VWDE: variants seen among roughly 807,000 people sequenced by gnomAD.
VWDE encodes von Willebrand factor D and EGF domain-containing protein.
VWDE carries 207 observed loss-of-function variants against 178.4 expected under a neutral mutation model. The observed-to-expected ratio is 1.16, with a 90% CI of 1.04 to 1.30. The LOEUF (loss-of-function observed/expected upper bound fraction) is 1.30. Ranked by LOEUF, VWDE falls within the 50% of genes most tolerant of loss-of-function variation. The pLI is 0.00. For synonymous variants in VWDE, 738 were observed against 651.4 expected, an observed-to-expected ratio of 1.13 and a Z score of -2.02; for missense variants, 2,287 against 1,901.3, an observed-to-expected ratio of 1.20 and a Z score of -3.77.
At chr7:12,378,108 A>T (rs75155111) in intron 6 of VWDE, among the ~76,000 whole-genome samples, 188 bp from the exon 7 acceptor site, 1 of 152,214 alleles carries the variant, frequency 6.6e-6, no homozygotes, top group Non-Finnish European at 1.5e-5. Context: ...ACAGGAGTAC[A>T]TGGAGCTGCT....
chr7:12,371,090 A>T (rs1389459595), intron 10 of VWDE, among the ~76,000 whole-genome samples: 1 of 152,086 alleles, frequency 6.6e-6, no homozygotes, highest in Non-Finnish European at 1.5e-5. Flanking sequence ...TGATCTTTTT[A>T]TTGAAATATA....
chr7:12,363,294 G>A (rs993058580), intron 13 of VWDE, among the ~76,000 whole-genome samples: 4 of 152,032 alleles, frequency 2.6e-5, no homozygotes, highest in Non-Finnish European at 4.4e-5. Context: ...TCACATGAAT[G>A]GAGGGAATAG....
At chr7:12,336,456 C>A (rs552369942) in intron 26 of VWDE, among the ~76,000 whole-genome samples, 3 of 152,102 alleles carry the variant, frequency 2.0e-5, no homozygotes, top group Admixed American at 1.3e-4. Context: ...TGTTTGAATG[C>A]GTCGTGATTT....
chr7:12,336,864 A>G, intron 26 of VWDE, 124 bp downstream of exon 26: 1 of 880,588 alleles, frequency 1.1e-6, no homozygotes, highest in East Asian at 2.7e-5. Context: ...TAAAGCAAGA[A>G]TAAATATGCA....
intron 19 of VWDE, among the ~76,000 whole-genome samples, chr7:12,346,909 A>T (rs574141447): frequency 6.6e-6 from 1 of 152,284 alleles, no homozygotes; most frequent in Non-Finnish European, 1.5e-5. Flanking sequence ...AAAAGACAGA[A>T]GAAAATGAAC....
In VWDE at chr7:12,331,058, T is replaced by G. The variant is rs888482826; in HGVS notation, c.*125A>C. On this transcript the variant is annotated 3_prime_UTR_variant, in exon 29 of 29. Transcript: ENST00000275358. ...AGAGATCATTATGTATTTTATTAGTTTCTTCAGTCTTTAAGATATTTTTTG... is the reference window on the plus strand; with the variant it reads ...AGAGATCATTATGTATTTTATTAGTGTCTTCAGTCTTTAAGATATTTTTTG... 6 of 679,996 alleles carry G rather than the reference T, an allele frequency of 8.8e-6. No homozygotes were observed. The highest frequency in any genetic ancestry group is 1.2e-5 in the Non-Finnish European group (5 of 416,336). 42.1% of individuals were successfully genotyped at this position (679,996 alleles called of 1,614,324 possible). A position where few individuals can be genotyped will look rare whatever the true frequency, so the allele number is the denominator to read the frequency against.
At chr7:12,348,055 C>A (rs1781710748) in intron 19 of VWDE, among the ~76,000 whole-genome samples, 1 of 152,150 alleles carries the variant, frequency 6.6e-6, no homozygotes, top group African/African-American at 2.4e-5. Flanking sequence ...CTTCCTTACA[C>A]CTTATACAAA....
chr7:12,342,206 T>C (rs1043919870), intron 22 of VWDE, 52 bp from the exon 23 acceptor site: 30 of 1,441,834 alleles, frequency 2.1e-5, no homozygotes, highest in Admixed American at 5.9e-5. Context: ...AGTAGTCATA[T>C]TGTTGGTTAT....
At chr7:12,395,976 C>G (rs943675184) in intron 1 of VWDE, among the ~76,000 whole-genome samples, 7 of 151,148 alleles carry the variant, frequency 4.6e-5, no homozygotes, top group Non-Finnish European at 8.8e-5. Flanking sequence ...TATAACTTTT[C>G]CCCTCAAAAA....
At chr7:12,374,817 T>A (rs950750045) in intron 8 of VWDE, 55 bp from the exon 9 acceptor site, 1 of 1,223,952 alleles carries the variant, frequency 8.2e-7, no homozygotes, top group Non-Finnish European at 1.1e-6. Flanking sequence ...TTTAGTGATA[T>A]ATAAAAAATT....
Position 12,377,756 on chromosome 7 carries a change from A to C in VWDE, c.1024+20T>G. 7.2e-7 allele frequency: 1 copy of C among 1,386,108 alleles called. No individual in the cohort carries two copies. The highest frequency in any genetic ancestry group is 2.6e-5 in the East Asian group (1 of 38,026). The allele number at this position is 1,386,108 out of a possible 1,614,324, so 85.9% of individuals were successfully genotyped here. On this transcript the variant is annotated intron_variant, in intron 7 of 28. Transcript: ENST00000275358. ...TTGTTTGCAATCTAATAATAAGATAAAATAAAGTTAGTATATTACCTTGAC... is the reference window on the plus strand; with the variant it reads ...TTGTTTGCAATCTAATAATAAGATACAATAAAGTTAGTATATTACCTTGAC...
intron 15 of VWDE, 77 bp from the exon 16 acceptor site, chr7:12,359,769 T>C (rs1244634302): frequency 6.0e-6 from 5 of 832,202 alleles, no homozygotes; most frequent in Non-Finnish European, 9.5e-6. Context: ...AGGATGGCAG[T>C]GTATGTATTG....
At chr7:12,379,865 C>T (rs1453431541) in intron 5 of VWDE, among the ~76,000 whole-genome samples, 4 of 152,018 alleles carry the variant, frequency 2.6e-5, no homozygotes, top group Non-Finnish European at 4.4e-5. Flanking sequence ...GAGGCCGAGG[C>T]GGGCGGATCA....
At position 12,331,070 on chromosome 7, in the gene VWDE, T is replaced by A. The variant is rs1432118157; in HGVS notation, c.*113A>T. The A allele has an allele frequency of 5.2e-6, 4 of 766,638 alleles. No individual in the cohort carries two copies. The allele number at this position is 766,638 out of a possible 1,614,324, so 47.5% of individuals were successfully genotyped here. ...GTATTTTATTAGTTTCTTCAGTCTT[T>A]AAGATATTTTTTGAATGATGTTCAA... On this transcript the variant is annotated 3_prime_UTR_variant, in exon 29 of 29. Transcript: ENST00000275358.
At chr7:12,393,225 C>T (rs1239958683) in intron 2 of VWDE, among the ~76,000 whole-genome samples, 1 of 152,116 alleles carries the variant, frequency 6.6e-6, no homozygotes, top group East Asian at 1.9e-4. Context: ...GCACCTGAGC[C>T]CTGGAGAACG....
chr7:12,369,743 C>T lies in VWDE; in HGVS notation c.2563G>A (p.Val855Met). The T allele has an allele frequency of 1.3e-6, 2 of 1,551,642 alleles. No individual in the cohort carries two copies. Reference protein sequence around the residue: ...KDDLSWAEAGVALLENECEKR... With the variant: ...KDDLSWAEAGMALLENECEKR... ...TCACATTCATTTTCTAAAAGGGCCA[C>T]ACCTGCTTCTGCCCAACTAAGATCA... is the stretch of plus-strand genomic sequence containing the variant. The change falls in exon 12 of 29, where the codon GTG (valine) becomes ATG (methionine). Residue 855 changes from valine (V) to methionine (M), a missense_variant. Physicochemically the swap from Val to Met is conservative, Grantham distance 21. Transcript: ENST00000275358.
chr7:12,342,937 G>GT, intron 22 of VWDE, 146 bp downstream of exon 22: 1 of 454,460 alleles, frequency 2.2e-6, no homozygotes, highest in Non-Finnish European at 3.9e-6. Flanking sequence ...GCGGTGTTTG[G>GT]TTTTTTGTCC....
At position 12,357,394 on chromosome 7, in the gene VWDE, G is replaced by C; in HGVS notation, c.3396C>G (p.Asp1132Glu). 6.4e-7 allele frequency: 1 copy of C among 1,551,902 alleles called. No homozygotes were observed. Residue 1132 changes from aspartate (D) to glutamate (E), a missense_variant, in exon 17 of 29, where the codon GAC (aspartate) becomes GAG (glutamate). Asp to Glu is a conservative substitution (Grantham distance 45). Coordinates refer to ENST00000275358, the MANE Select transcript of VWDE (RefSeq NM_001135924.3). Reference protein sequence around the residue: ...PEGSDIHFTLDSGPEGASVSS... With the variant: ...PEGSDIHFTLESGPEGASVSS... ...AAACACTTGCCCCTTCAGGACCAGA[G>C]TCCAACGTAAAATGGATGTCAGAAC...
chr7:12,351,473 T>C (rs1781937709), intron 19 of VWDE, 100 bp downstream of exon 19: 1 of 1,297,692 alleles, frequency 7.7e-7, no homozygotes, highest in East Asian at 2.6e-5. Flanking sequence ...AGGTGATCTT[T>C]CTAAAAATAA....
Sources: allele counts gnomAD v4.1 joint callset (sites outside exome capture counted in the v4.1 genomes callset), GRCh38; gene constraint gnomAD v4.1.1; transcripts MANE v1.5; gene names NCBI Gene and HGNC (gene_info 2026-07-23, HGNC 2026-07-21).